SUPT5H: variants seen among roughly 807,000 people sequenced by gnomAD.
SUPT5H encodes the protein transcription elongation factor SPT5.
Under a neutral mutation model 142.5 loss-of-function variants are expected in SUPT5H, and 24 were observed. The observed-to-expected ratio is 0.17, with a 90% CI of 0.12 to 0.24. SUPT5H has a LOEUF of 0.24. SUPT5H is among the 10% of genes least tolerant of loss of function. SUPT5H has a pLI of 1.00. For synonymous variants in SUPT5H, 546 were observed against 553.0 expected (o/e 0.99, Z 0.18); for missense variants, 893 against 1,471.8 (o/e 0.61, Z 6.43).
chr19:39,471,791 T>G, intron 20 of SUPT5H, 61 bp downstream of exon 20: 1 of 1,567,536 alleles, frequency 6.4e-7, no homozygotes, highest in African/African-American at 1.4e-5. Flanking sequence ...CCAAGCCTCC[T>G]CTGGCCCCAG....
In SUPT5H at chr19:39,472,606, G is replaced by A; in HGVS notation, c.2035+113G>A. 2.1e-6 allele frequency: 3 copies of A among 1,399,344 alleles called. No homozygotes were observed. The highest frequency in any genetic ancestry group is 2.9e-6 in the Non-Finnish European group (3 of 1,019,804). The allele number at this position is 1,399,344 out of a possible 1,614,324, so 86.7% of individuals were successfully genotyped here. A position where few individuals can be genotyped will look rare whatever the true frequency, so the allele number is the denominator to read the frequency against. On this transcript the variant is annotated intron_variant, in intron 21 of 29. Coordinates refer to ENST00000432763, the MANE Select transcript of SUPT5H (RefSeq NM_001111020.3). This position sits in a 1 kb window ranked among gnomAD's most constrained non-coding sequence, Gnocchi z 4.2. ...TGCTGGGCTGGGCACTGCTATTAGG[G>A]GTTCACCACCCACAGGAGGGTAGAC...
At position 39,471,497 on chromosome 19, in the gene SUPT5H, C is replaced by G; in HGVS notation, c.1818C>G (p.Pro606=). 3 of 1,614,202 alleles carry G rather than the reference C, an allele frequency of 1.9e-6. No individual in the cohort carries two copies. Among genetic ancestry groups the G allele is most frequent in the East Asian group, 2.2e-5 (1 of 44,896 alleles). ...ACATCGTTAAGGTCATTGATGGCCC[C>G]CACTCAGTGAGTACAAGTTCCTGCT... The part of the protein sequence containing the change: ...VKDIVKVIDG[P]HSGREGEIRH... Residue 606 remains proline, a synonymous_variant, in exon 19 of 30, where the codon CCC becomes CCG. Transcript: ENST00000432763.
At chr19:39,453,666 G>A in intron 3 of SUPT5H, 145 bp downstream of exon 3, 1 of 983,440 alleles carries the variant, frequency 1.0e-6, no homozygotes, top group Non-Finnish European at 1.4e-6. Context: ...GCAAGTTCAT[G>A]CCATTCTCCT....
At position 39,457,300 on chromosome 19, in the gene SUPT5H, A is replaced by G. The variant is rs1181317365; in HGVS notation, c.242-375A>G. Among the ~76,000 whole-genome samples, 3 of 152,230 alleles carry G rather than the reference A, an allele frequency of 2.0e-5. No homozygotes were observed. In the South Asian group the frequency reaches 6.2e-4, roughly 32 times the overall value. Reference sequence around the variant, plus strand: ...GTATGCTCTCAGCATTAGCTGTTATAAATGTACAAGAATCATAAAACCAAC... The same window carrying G: ...GTATGCTCTCAGCATTAGCTGTTATGAATGTACAAGAATCATAAAACCAAC... On this transcript the variant is annotated intron_variant, in intron 3 of 29. Coordinates refer to ENST00000432763, the MANE Select transcript of SUPT5H (RefSeq NM_001111020.3).
At chr19:39,455,735 G>C (rs2079079607) in intron 3 of SUPT5H, among the ~76,000 whole-genome samples, 1 of 149,640 alleles carries the variant, frequency 6.7e-6, no homozygotes, top group East Asian at 2.0e-4. Context: ...TGCTTCTCCT[G>C]CCTCAGCTTC....
chr19:39,456,986 C>G lies in SUPT5H; in HGVS notation c.242-689C>G, dbSNP rs76334617. ...AGGGAGACTTAATTGATACTTACAT[C>G]CTCTATGGACATTGGAGTTTTTCAT... On this transcript the variant is annotated intron_variant, in intron 3 of 29. Coordinates refer to ENST00000432763, the MANE Select transcript of SUPT5H (RefSeq NM_001111020.3). 1.9e-3 allele frequency among the ~76,000 whole-genome samples: 292 copies of G among 152,312 alleles called. 1 individual carries two copies. Among genetic ancestry groups the G allele is most frequent in the African/African-American group, 6.6e-3 (276 of 41,570 alleles).
chr19:39,453,077 ATAGT>A (rs1478574491), intron 2 of SUPT5H, among the ~76,000 whole-genome samples: 1 of 151,776 alleles, frequency 6.6e-6, no homozygotes, highest in Non-Finnish European at 1.5e-5. Flanking sequence ...TCAAGCTATT[ATAGT>A]TAAAGACTCG....
Position 39,472,979 on chromosome 19 carries a change from G to C in SUPT5H, c.2156-33G>C, listed in dbSNP as rs1413837331. The C allele has an allele frequency of 6.2e-7, 1 of 1,612,254 alleles. No homozygotes were observed. The highest frequency in any genetic ancestry group is 1.1e-5 in the South Asian group (1 of 91,028). ...CTGGGGAGGGGCATGGTGAAGGAGA[G>C]CCTGCCCAGCCTGACCTCCTGTCCC... On this transcript the variant is annotated intron_variant, in intron 22 of 29. Coordinates refer to ENST00000432763, the MANE Select transcript of SUPT5H (RefSeq NM_001111020.3). This position sits in a 1 kb window ranked among gnomAD's most constrained non-coding sequence, Gnocchi z 4.2.
intron 2 of SUPT5H, among the ~76,000 whole-genome samples, chr19:39,450,887 G>A (rs1292049262): frequency 6.6e-6 from 1 of 152,184 alleles, no homozygotes; most frequent in Non-Finnish European, 1.5e-5. Flanking sequence ...GCAGCAGGCA[G>A]CAGTATCTTG....
chr19:39,466,598 G>A lies in SUPT5H; in HGVS notation c.966+29G>A, dbSNP rs1373185561. ...CTCAGGGGAATCTGTGGCCTGGGGG[G>A]GAGGGAGTGTGCTCGATCCCACTGG... On this transcript the variant is annotated intron_variant, in intron 12 of 29. Coordinates refer to ENST00000432763, the MANE Select transcript of SUPT5H (RefSeq NM_001111020.3). The surrounding 1 kb of genome is among the most constrained non-coding windows in gnomAD (Gnocchi z 4.3). 2 of 1,561,930 alleles carry A rather than the reference G, an allele frequency of 1.3e-6. No homozygotes were observed. The highest frequency in any genetic ancestry group is 1.7e-5 in the Admixed American group (1 of 59,758).
chr19:39,451,548 T>G (rs958366272), intron 2 of SUPT5H, among the ~76,000 whole-genome samples: 1 of 152,038 alleles, frequency 6.6e-6, no homozygotes, highest in Non-Finnish European at 1.5e-5. Flanking sequence ...TTGTTTGTTT[T>G]TTTGACAGTG....
At chr19:39,446,083 A>G (rs957900306) in intron 2 of SUPT5H, 118 bp downstream of exon 2, 7 of 1,134,200 alleles carry the variant, frequency 6.2e-6, no homozygotes, top group African/African-American at 1.5e-5. Flanking sequence ...GAACTCCCAG[A>G]TTGTCTCAAG....
chr19:39,448,784 C>G (rs993339185), intron 2 of SUPT5H, among the ~76,000 whole-genome samples: 1 of 152,044 alleles, frequency 6.6e-6, no homozygotes, highest in Non-Finnish European at 1.5e-5. Flanking sequence ...CTCCAGTAAC[C>G]TGTTCATTTA....
At chr19:39,475,784 A>C in intron 28 of SUPT5H, 1 of 386,560 alleles carries the variant, frequency 2.6e-6, no homozygotes, top group Non-Finnish European at 4.7e-6. Flanking sequence ...AGGTCCAGGA[A>C]GAGGAGCAGG....
Position 39,466,949 on chromosome 19 carries a change from C to A in SUPT5H, c.1037+204C>A. The A allele has an allele frequency of 3.4e-6, 2 of 587,908 alleles. No homozygotes were observed. The highest frequency in any genetic ancestry group is 6.0e-6 in the Non-Finnish European group (2 of 331,832). The allele number at this position is 587,908 out of a possible 1,614,324, so 36.4% of individuals were successfully genotyped here. A position where few individuals can be genotyped will look rare whatever the true frequency, so the allele number is the denominator to read the frequency against. ...TAAAGATTGATGAGGCTGGGCGCAG[C>A]GGGAGGGAGCACTTTGGAAGGCTAA... is the stretch of plus-strand genomic sequence containing the variant. On this transcript the variant is annotated intron_variant, in intron 13 of 29. Coordinates refer to ENST00000432763, the MANE Select transcript of SUPT5H (RefSeq NM_001111020.3). This position sits in a 1 kb window ranked among gnomAD's most constrained non-coding sequence, Gnocchi z 4.3.
At chr19:39,456,266 G>A (rs560983104) in intron 3 of SUPT5H, among the ~76,000 whole-genome samples, 25 of 145,598 alleles carry the variant, frequency 1.7e-4, no homozygotes, top group African/African-American at 6.1e-4. Context: ...ATCTCACTCC[G>A]TTTCCTAGGC....
Position 39,445,957 on chromosome 19 carries a change from G to A in SUPT5H, c.67G>A (p.Glu23Lys), listed in dbSNP as rs938748895. 1 of 1,612,802 alleles carries A rather than the reference G, an allele frequency of 6.2e-7. No individual in the cohort carries two copies. The highest frequency in any genetic ancestry group is 1.3e-5 in the African/African-American group (1 of 74,924). ...EDSERSSDGE[E>K]AEVDEERRSA... The stretch of plus-strand genomic sequence containing the variant: ...CAGCGAGCGCAGCAGTGACGGCGAG[G>A]AGGCCGAGGTCTGTGGCTGGGGCGC... The change falls in exon 2 of 30, where the codon GAG (glutamate) becomes AAG (lysine). Residue 23 changes from glutamate to lysine, a missense_variant. Glu to Lys is a moderately conservative substitution (Grantham distance 56, BLOSUM62 1). Coordinates refer to ENST00000432763, the MANE Select transcript of SUPT5H (RefSeq NM_001111020.3).
rs748843356 is a variant in SUPT5H at position 39,474,509 on chromosome 19, C to T, written c.2821-6C>T. Reference sequence around the variant, plus strand: ...TTCCCAATGACACTTCCTCTTTCCCCTGCAGGCTAGCCCCAGCCCGAGCCC... The same window carrying T: ...TTCCCAATGACACTTCCTCTTTCCCTTGCAGGCTAGCCCCAGCCCGAGCCC... On this transcript the variant is annotated splice_polypyrimidine_tract_variant and splice_region_variant and intron_variant, in intron 27 of 29. Coordinates refer to ENST00000432763, the MANE Select transcript of SUPT5H (RefSeq NM_001111020.3). This position sits in a 1 kb window ranked among gnomAD's most constrained non-coding sequence, Gnocchi z 6.5. The T allele has an allele frequency of 6.2e-7, 1 of 1,613,872 alleles. No homozygotes were observed. Among genetic ancestry groups the T allele is most frequent in the African/African-American group, 1.3e-5 (1 of 74,904 alleles).
chr19:39,462,900 T>C (rs68180880), intron 10 of SUPT5H, among the ~76,000 whole-genome samples: 22,443 of 142,888 alleles, frequency 0.16, 1,877 homozygotes, highest in Non-Finnish European at 0.17. Context: ...AGTGCAATGA[T>C]GCGATCTCGG....
Sources: gnomAD v4.1 joint callset for allele counts (sites outside exome capture counted in the v4.1 genomes callset) on GRCh38, gnomAD v4.1.1 for gene constraint, Gnocchi (gnomAD v3.1) non-coding constraint, MANE v1.5 for transcripts, NCBI Gene and HGNC (gene_info 2026-07-23, HGNC 2026-07-21) for gene names.